Variants in CCT6A observed in about 807,000 individuals in gnomAD.
CCT6A encodes the protein chaperonin containing TCP1 subunit 6A.
CCT6A carries 6 observed loss-of-function variants against 58.6 expected under a neutral mutation model. That is an observed-to-expected ratio of 0.10 (90% CI 0.06 to 0.20). CCT6A has a LOEUF of 0.20. CCT6A is among the 10% of genes least tolerant of loss of function. CCT6A has a pLI of 1.00. For synonymous variants in CCT6A, 245 were observed against 227.8 expected (o/e 1.08, Z -0.68); for missense variants, 516 against 648.8 (o/e 0.80, Z 2.22).
intron 2 of CCT6A, among the ~76,000 whole-genome samples, chr7:56,052,753 A>G (rs1794179587): frequency 6.6e-6 from 1 of 151,354 alleles, no homozygotes; most frequent in Admixed American, 6.6e-5. Context: ...TGACACAATC[A>G]CATGGGCAAA....
chr7:56,058,086 A>C lies in CCT6A; in HGVS notation c.708A>C (p.Ser236=), dbSNP rs199970063. ...EDAYILTCNV[S]LEYEKTEVNS... ...CATACATCCTCACTTGTAACGTGTC[A>C]TTAGAGTATGAGAAAACGTAAGTTT... Residue 236 remains serine (S), a synonymous_variant, in exon 6 of 14, where the codon TCA becomes TCC. Coordinates refer to ENST00000275603, the MANE Select transcript of CCT6A (RefSeq NM_001762.4). 4 of 1,589,344 alleles carry C rather than the reference A, an allele frequency of 2.5e-6. No individual in the cohort carries two copies. The East Asian group carries it at 8.9e-5, about 36-fold the overall frequency.
intron 6 of CCT6A, 72 bp from the exon 7 acceptor site, chr7:56,058,290 G>T: frequency 8.6e-7 from 1 of 1,161,768 alleles, no homozygotes; most frequent in East Asian, 2.4e-5. Flanking sequence ...TTAAATCTTA[G>T]GACTAATCCA....
intron 8 of CCT6A, chr7:56,058,906 C>A: frequency 2.6e-6 from 1 of 388,700 alleles, no homozygotes. Flanking sequence ...ATAGTTACTC[C>A]CCATTTCTCC....
At chr7:56,058,743 T>A in intron 8 of CCT6A, 41 bp downstream of exon 8, 1 of 1,182,222 alleles carries the variant, frequency 8.5e-7, no homozygotes, top group Non-Finnish European at 1.2e-6. Context: ...TGCAAGTGAA[T>A]TGGGATTATT....
At position 56,058,510 on chromosome 7, in the gene CCT6A, A is replaced by G; in HGVS notation, c.874A>G (p.Ile292Val). The G allele has an allele frequency of 1.3e-6, 2 of 1,593,652 alleles. No individual in the cohort carries two copies. Among genetic ancestry groups the G allele is most frequent in the East Asian group, 2.2e-5 (1 of 44,758 alleles). Reference protein sequence around the residue: ...CGDSDKGFVVINQKGIDPFSL... With the variant: ...CGDSDKGFVVVNQKGIDPFSL... ...CGATTCAGATAAAGGATTTGTTGTT[A>G]TTAATCAAAAGGTGAGAATGAAAAC... The change falls in exon 7 of 14, where the codon ATT (isoleucine) becomes GTT (valine). Residue 292 changes from isoleucine (I) to valine (V), a missense_variant. Around this residue, in one of 3 missense-constraint regions of CCT6A, gnomAD observed 315 missense variants for 389.4 expected, o/e 0.81. Coordinates refer to ENST00000275603, the MANE Select transcript of CCT6A (RefSeq NM_001762.4).
chr7:56,059,471 A>G, intron 8 of CCT6A, 73 bp from the exon 9 acceptor site: 1 of 802,366 alleles, frequency 1.2e-6, no homozygotes. Context: ...ATTCCTTCCT[A>G]AAAATTACTG....
chr7:56,059,799 C>G, intron 9 of CCT6A, 159 bp downstream of exon 9: 1 of 556,984 alleles, frequency 1.8e-6, no homozygotes, highest in Non-Finnish European at 3.2e-6. Context: ...AGTGATCCTC[C>G]CGCCTCAGGC....
At position 56,059,569 on chromosome 7, in the gene CCT6A, G is replaced by T. The variant is rs1377005708; in HGVS notation, c.994G>T (p.Ala332Ser). 1.2e-6 allele frequency: 2 copies of T among 1,606,604 alleles called. No individual in the cohort carries two copies. Among genetic ancestry groups the T allele is most frequent in the Non-Finnish European group, 8.5e-7 (1 of 1,173,374 alleles). The change falls in exon 9 of 14, where the codon GCC becomes TCC. Residue 332 changes from alanine (A) to serine (S), a missense_variant. Physicochemically the swap from Ala to Ser is moderately conservative, Grantham distance 99 (BLOSUM62 1). Coordinates refer to ENST00000275603, the MANE Select transcript of CCT6A (RefSeq NM_001762.4). ...GCTGACTCTTGCTTGTGGTGGGGTAGCCCTGAATTCTTTTGACGACCTAAG... is the reference window on the plus strand; with the variant it reads ...GCTGACTCTTGCTTGTGGTGGGGTATCCCTGAATTCTTTTGACGACCTAAG... ...ERLTLACGGVALNSFDDLSPD... is the reference protein window; with the variant it reads ...ERLTLACGGVSLNSFDDLSPD...
chr7:56,061,687 T>TCC, intron 11 of CCT6A, 60 bp from the exon 12 acceptor site: 1 of 549,134 alleles, frequency 1.8e-6, no homozygotes, highest in South Asian at 2.2e-5. Flanking sequence ...TTTTTTTTTT[T>TCC]TTTTTTTACT....
chr7:56,062,347 C>T (rs1179379921), intron 12 of CCT6A, among the ~76,000 whole-genome samples: 1 of 152,122 alleles, frequency 6.6e-6, no homozygotes, highest in Non-Finnish European at 1.5e-5. Flanking sequence ...TGTGCAAGAC[C>T]TATTGTCAAC....
At chr7:56,061,894 G>C (rs761821242) in intron 12 of CCT6A, 45 bp downstream of exon 12, 1 of 1,074,930 alleles carries the variant, frequency 9.3e-7, no homozygotes, top group Non-Finnish European at 1.4e-6. Flanking sequence ...GATGTAATAC[G>C]TGTGAGTTGA....
chr7:56,058,998 A>G, intron 8 of CCT6A: 1 of 208,632 alleles, frequency 4.8e-6, no homozygotes, highest in Non-Finnish European at 9.5e-6. Context: ...TCCCCACAAT[A>G]AAAAGCTTTT....
chr7:56,054,407 A>G lies in CCT6A; in HGVS notation c.240A>G (p.Val80=), dbSNP rs1052256300. 5 of 1,610,790 alleles carry G rather than the reference A, an allele frequency of 3.1e-6. No homozygotes were observed. In the African/African-American group the frequency reaches 5.3e-5, roughly 17 times the overall value. The change falls in exon 3 of 14, where the codon GTA becomes GTG. Residue 80 remains valine, a synonymous_variant. Transcript: ENST00000275603. ...CAACAGCTTCCTTAATAGCAAAGGT[A>G]GCAACAGCCCAGGATGATATAACTG... The part of the protein sequence containing the change: ...QHPTASLIAK[V]ATAQDDITGD...
intron 11 of CCT6A, among the ~76,000 whole-genome samples, chr7:56,061,177 G>A (rs1174844778): frequency 1.3e-5 from 2 of 151,998 alleles, no homozygotes; most frequent in African/African-American, 4.8e-5. Context: ...CAGTATTAGG[G>A]GTTATACTTG....
At chr7:56,061,071 A>C in intron 11 of CCT6A, 131 bp downstream of exon 11, 1 of 942,366 alleles carries the variant, frequency 1.1e-6, no homozygotes, top group South Asian at 1.9e-5. Flanking sequence ...ACTCTAGAAC[A>C]GGTATTCCTC....
At chr7:56,054,207 T>C (rs1329487580) in intron 2 of CCT6A, among the ~76,000 whole-genome samples, 162 bp from the exon 3 acceptor site, 1 of 152,262 alleles carries the variant, frequency 6.6e-6, no homozygotes, top group Admixed American at 6.5e-5. Flanking sequence ...TCAATCATTA[T>C]AATTGCATGT....
rs1794359239 is a variant in CCT6A, at chr7:56,058,356, T to G, written c.726-6T>G. The G allele has an allele frequency of 1.3e-6, 2 of 1,559,390 alleles. No homozygotes were observed. The highest frequency in any genetic ancestry group is 2.8e-5 in the African/African-American group (2 of 72,048). On this transcript the variant is annotated splice_region_variant and splice_polypyrimidine_tract_variant and intron_variant, in intron 6 of 13. Coordinates refer to ENST00000275603, the MANE Select transcript of CCT6A (RefSeq NM_001762.4). ...TGCTTTCTGTAACTTTTTTTTTTCT[T>G]AATAGAGAAGTGAATTCTGGCTTTT...
intron 6 of CCT6A, 24 bp downstream of exon 6, chr7:56,058,127 T>G: frequency 7.7e-7 from 1 of 1,293,726 alleles, no homozygotes; most frequent in Middle Eastern, 1.8e-4. Context: ...CCCTTAACAG[T>G]GAAATGGAGA....
rs1382569569 is a variant in CCT6A, at chr7:56,062,689, C to T, written c.1457C>T (p.Pro486Leu). 2 of 1,613,628 alleles carry T rather than the reference C, an allele frequency of 1.2e-6. No homozygotes were observed. ...AGATTTGGTTGCCTTTTAGGTGAGC[C>T]AATGGTGGCAGCAGAAGTAGGCGTA... ...LVGVDLNTGEPMVAAEVGVWD... is the reference protein window; with the variant it reads ...LVGVDLNTGELMVAAEVGVWD... Residue 486 changes from proline to leucine, a missense_variant, in exon 13 of 14, where the codon CCA (proline) becomes CTA (leucine). Physicochemically the swap from Pro to Leu is moderately conservative, Grantham distance 98. Coordinates refer to ENST00000275603, the MANE Select transcript of CCT6A (RefSeq NM_001762.4).
Sources: gnomAD v4.1 joint callset for allele counts (sites outside exome capture counted in the v4.1 genomes callset) on GRCh38, gnomAD v4.1.1 for gene constraint, gnomAD v4.1.1 regional missense constraint, MANE v1.5 for transcripts, NCBI Gene and HGNC (gene_info 2026-07-23, HGNC 2026-07-21) for gene names.